MYO10: variants seen among roughly 807,000 people sequenced by gnomAD.
MYO10 encodes the protein unconventional myosin-X.
MYO10 carries 133 observed loss-of-function variants against 257.3 expected under a neutral mutation model. The ratio of observed to expected loss-of-function variants is 0.52; its 90% confidence interval spans 0.45 to 0.60. The LOEUF is 0.60. Among genes scored for constraint, MYO10 ranks in the 20% least tolerant of loss-of-function variants. MYO10 has a pLI of 0.00. For synonymous variants in MYO10, 1,104 were observed against 1,028.6 expected (o/e 1.07, Z -1.40); for missense variants, 2,399 against 2,635.7 (o/e 0.91, Z 1.97).
rs1193878922 is a variant in MYO10 at position 16,781,951 on chromosome 5, G to C, written c.603-122C>G. 4 of 1,202,240 alleles carry C rather than the reference G, an allele frequency of 3.3e-6. No individual in the cohort carries two copies. The East Asian group carries it at 9.4e-5, about 28-fold the overall frequency. The allele number at this position is 1,202,240 out of a possible 1,614,324, so 74.5% of individuals were successfully genotyped here. A position where few individuals can be genotyped will look rare whatever the true frequency, so the allele number is the denominator to read the frequency against. On this transcript the variant is annotated intron_variant, in intron 5 of 40. Coordinates refer to ENST00000513610, the MANE Select transcript of MYO10 (RefSeq NM_012334.3). ...AAAAATCTGAAACCAAAAGGACTGA[G>C]GGTGGCAATGTTTATTTCCGGAAGA...
intron 2 of MYO10, among the ~76,000 whole-genome samples, chr5:16,847,999 T>C (rs932607321): frequency 1.2e-4 from 18 of 152,124 alleles, no homozygotes; most frequent in Non-Finnish European, 1.6e-4. Context: ...CTGATTAACA[T>C]TGGTAATAAG....
intron 19 of MYO10, among the ~76,000 whole-genome samples, chr5:16,754,153 G>C (rs1740462123): frequency 6.6e-6 from 1 of 152,122 alleles, no homozygotes; most frequent in African/African-American, 2.4e-5. Flanking sequence ...TAATTTAAAT[G>C]TATTAACAAT....
At chr5:16,884,515 G>A (rs1199282611) in intron 1 of MYO10, among the ~76,000 whole-genome samples, 1 of 152,180 alleles carries the variant, frequency 6.6e-6, no homozygotes, top group African/African-American at 2.4e-5. Context: ...CTTTTTGCCT[G>A]CAATGACTCA....
At chr5:16,897,306 A>AAAAAT (rs1745245715) in intron 1 of MYO10, among the ~76,000 whole-genome samples, 1 of 151,490 alleles carries the variant, frequency 6.6e-6, no homozygotes, top group Non-Finnish European at 1.5e-5. Context: ...ACTTCGTAAA[A>AAAAAT]AAAAAAAAAA....
At chr5:16,809,881 T>A (rs942379891) in intron 3 of MYO10, among the ~76,000 whole-genome samples, 2 of 152,056 alleles carry the variant, frequency 1.3e-5, no homozygotes, top group Admixed American at 6.6e-5. Flanking sequence ...ACACCATAAT[T>A]GCAGGCGACC....
intron 2 of MYO10, among the ~76,000 whole-genome samples, chr5:16,868,169 A>G (rs1167629419): frequency 6.6e-6 from 1 of 152,246 alleles, no homozygotes; most frequent in Non-Finnish European, 1.5e-5. Context: ...CTTATTAATC[A>G]ATTTTACAAT....
In MYO10 at chr5:16,869,260, C is replaced by T. The variant is rs555471511; in HGVS notation, c.120+8349G>A. On this transcript the variant is annotated intron_variant, in intron 2 of 40. Transcript: ENST00000513610. ...TTCAGCATGTTAGCCAGGATGGTCT[C>T]GATCTCCTGACCTCATGATCCACCC... Among the ~76,000 whole-genome samples the T allele has an allele frequency of 1.1e-3, 164 of 145,300 alleles. 2 individuals are homozygous for T. The highest frequency in any genetic ancestry group is 3.9e-3 in the African/African-American group (151 of 38,958).
chr5:16,855,194 A>G (rs1228829804), intron 2 of MYO10, among the ~76,000 whole-genome samples: 1 of 152,178 alleles, frequency 6.6e-6, no homozygotes, highest in African/African-American at 2.4e-5. Flanking sequence ...AATCTCCATC[A>G]AAGATAGCAA....
At chr5:16,763,568 G>A (rs1441440118) in intron 13 of MYO10, 21 bp from the exon 14 acceptor site, 1 of 1,600,502 alleles carries the variant, frequency 6.2e-7, no homozygotes, top group Non-Finnish European at 8.6e-7. Context: ...ATTTTAAACA[G>A]CCAAGTTAAA....
At chr5:16,841,857 G>C (rs1021381553) in intron 2 of MYO10, among the ~76,000 whole-genome samples, 9 of 152,102 alleles carry the variant, frequency 5.9e-5, no homozygotes, top group African/African-American at 1.7e-4. Flanking sequence ...GACTCTGGAG[G>C]GCTCGAGGGC....
chr5:16,672,961 G>A, intron 36 of MYO10, 136 bp from the exon 37 acceptor site: 1 of 955,276 alleles, frequency 1.0e-6, no homozygotes, highest in South Asian at 1.8e-5. Flanking sequence ...TGTTACCCGT[G>A]TGGTCATCCC....
At position 16,689,923 on chromosome 5, in the gene MYO10, C is replaced by G; in HGVS notation, c.3801-4G>C. 3.7e-6 allele frequency: 6 copies of G among 1,604,834 alleles called. No individual in the cohort carries two copies. The highest frequency in any genetic ancestry group is 5.1e-6 in the Non-Finnish European group (6 of 1,171,800). ...GGTGGTGTTATCTATGATCTCTCTG[C>G]AAAGAAGCAAAAGCAACAAACGCAC... On this transcript the variant is annotated splice_polypyrimidine_tract_variant and splice_region_variant and intron_variant, in intron 27 of 40. Coordinates refer to ENST00000513610, the MANE Select transcript of MYO10 (RefSeq NM_012334.3).
At chr5:16,887,606 T>A (rs1744929869) in intron 1 of MYO10, among the ~76,000 whole-genome samples, 1 of 152,204 alleles carries the variant, frequency 6.6e-6, no homozygotes, top group South Asian at 2.1e-4. Flanking sequence ...TTCTCCTACC[T>A]CAGCCTCCCA....
chr5:16,884,876 T>C (rs1215725058), intron 1 of MYO10, among the ~76,000 whole-genome samples: 1 of 152,192 alleles, frequency 6.6e-6, no homozygotes, highest in Non-Finnish European at 1.5e-5. Flanking sequence ...AGAATCACTA[T>C]TCTAGAGTAA....
chr5:16,865,828 T>TAATAATAAC (rs1310504538), intron 2 of MYO10, among the ~76,000 whole-genome samples: 51 of 150,744 alleles, frequency 3.4e-4, no homozygotes, highest in African/African-American at 1.2e-3. Context: ...ATAATAATAA[T>TAATAATAAC]AATAATAGTA....
intron 1 of MYO10, among the ~76,000 whole-genome samples, chr5:16,915,324 T>C (rs1314440411): frequency 6.6e-6 from 1 of 152,184 alleles, no homozygotes; most frequent in African/African-American, 2.4e-5. Context: ...TTCAATGAGA[T>C]CCAGGATATC....
intron 19 of MYO10, among the ~76,000 whole-genome samples, chr5:16,749,225 G>A (rs976118647): frequency 2.6e-5 from 4 of 152,000 alleles, no homozygotes; most frequent in East Asian, 1.9e-4. Flanking sequence ...CATGCTGCAC[G>A]CAGTGGCTCC....
chr5:16,917,696 AAAAAAAAAAGG>A, intron 1 of MYO10, among the ~76,000 whole-genome samples: 1 of 149,174 alleles, frequency 6.7e-6, no homozygotes, highest in Middle Eastern at 3.4e-3. Context: ...CATCTCTACA[AAAAAAAAAAGG>A]AAAAAAAAAA....
chr5:16,663,670 C>T lies in MYO10; in HGVS notation c.*3022G>A, dbSNP rs1365127579. 6.6e-6 allele frequency: 1 copy of T among 152,098 alleles called. No homozygotes were observed. The highest frequency in any genetic ancestry group is 1.5e-5 in the Non-Finnish European group (1 of 68,082). 9.4% of individuals were successfully genotyped at this position (152,098 alleles called of 1,614,324 possible). A position where few individuals can be genotyped will look rare whatever the true frequency, so the allele number is the denominator to read the frequency against. On this transcript the variant is annotated 3_prime_UTR_variant, in exon 41 of 41. Coordinates refer to ENST00000513610, the MANE Select transcript of MYO10 (RefSeq NM_012334.3). ...GCAATGAGCTGTGACTGTGCCTCTG[C>T]ACTGTAGCCTGGTGACAGAGTGAGA... is the stretch of plus-strand genomic sequence containing the variant.
Sources: gnomAD v4.1 joint callset for allele counts (sites outside exome capture counted in the v4.1 genomes callset) on GRCh38, gnomAD v4.1.1 for gene constraint, MANE v1.5 for transcripts, NCBI Gene and HGNC (gene_info 2026-07-23, HGNC 2026-07-21) for gene names.